DYM: variants seen among roughly 807,000 people sequenced by gnomAD.
DYM encodes dymeclin, also known as dyggve-Melchior-Clausen syndrome protein.
A neutral mutation model predicts 93.1 loss-of-function variants in DYM; 78 were observed. That is an observed-to-expected ratio of 0.84 (90% confidence interval 0.70 to 1.01). DYM has a LOEUF of 1.01. Ranked by LOEUF, DYM falls within the 50% of genes least tolerant of loss-of-function variation. DYM has a pLI of 0.00. For synonymous variants in DYM, 321 were observed against 319.7 expected (o/e 1.00, Z -0.04); for missense variants, 789 against 845.0 (o/e 0.93, Z 0.82).
intron 16 of DYM, 67 bp downstream of exon 16, chr18:49,118,677 C>T (rs1204364207): frequency 1.4e-6 from 2 of 1,417,662 alleles, no homozygotes; most frequent in African/African-American, 2.8e-5. Context: ...CTTACCAAGG[C>T]TTATTAAACA....
chr18:49,084,001 C>CT (rs1334684351), intron 17 of DYM, among the ~76,000 whole-genome samples: 1 of 152,002 alleles, frequency 6.6e-6, no homozygotes, highest in Non-Finnish European at 1.5e-5. Flanking sequence ...GTGCTCTGAT[C>CT]TTTATGATTT....
chr18:49,458,771 A>T (rs2083220589), intron 1 of DYM, among the ~76,000 whole-genome samples: 1 of 152,176 alleles, frequency 6.6e-6, no homozygotes, highest in Non-Finnish European at 1.5e-5. Flanking sequence ...CCCAGGAGGC[A>T]GACGTTGCCG....
intron 6 of DYM, among the ~76,000 whole-genome samples, chr18:49,358,103 T>C (rs1041308725): frequency 1.4e-4 from 21 of 152,252 alleles, no homozygotes; most frequent in Non-Finnish European, 2.1e-4. Context: ...TGAGCCATGA[T>C]TGTGCCACTG....
intron 5 of DYM, among the ~76,000 whole-genome samples, chr18:49,366,746 A>G (rs2066551518): frequency 6.6e-6 from 1 of 152,234 alleles, no homozygotes; most frequent in African/African-American, 2.4e-5. Flanking sequence ...AACAGCAAAC[A>G]TTTACCAAGT....
intron 10 of DYM, among the ~76,000 whole-genome samples, chr18:49,274,222 G>A (rs888268985): frequency 6.6e-6 from 1 of 151,982 alleles, no homozygotes; most frequent in African/African-American, 2.4e-5. Flanking sequence ...TCCCTATTCT[G>A]GACTTCCGTA....
intron 17 of DYM, among the ~76,000 whole-genome samples, chr18:49,053,412 G>A (rs1401999808): frequency 6.6e-6 from 1 of 152,176 alleles, no homozygotes; most frequent in African/African-American, 2.4e-5. Flanking sequence ...GCAAGCACCT[G>A]GCACAGGTCC....
chr18:49,446,079 T>G (rs899702965), intron 1 of DYM, among the ~76,000 whole-genome samples: 1 of 152,166 alleles, frequency 6.6e-6, no homozygotes, highest in Admixed American at 6.5e-5. Context: ...AAATAGCAAT[T>G]TAGGCAGATT....
At chr18:49,377,984 G>A (rs1732378298) in intron 5 of DYM, among the ~76,000 whole-genome samples, 1 of 152,176 alleles carries the variant, frequency 6.6e-6, no homozygotes, top group African/African-American at 2.4e-5. Context: ...AAACTATGGG[G>A]CAACACTGCC....
intron 6 of DYM, among the ~76,000 whole-genome samples, chr18:49,335,877 G>A (rs1211777211): frequency 1.3e-5 from 2 of 151,704 alleles, no homozygotes; most frequent in Non-Finnish European, 2.9e-5. Flanking sequence ...CTAGTGGCGC[G>A]ATCTTGGCTC....
At chr18:49,337,893 G>A (rs1486802208) in intron 6 of DYM, among the ~76,000 whole-genome samples, 1 of 152,002 alleles carries the variant, frequency 6.6e-6, no homozygotes, top group Non-Finnish European at 1.5e-5. Flanking sequence ...CCATACAAAG[G>A]CAGCCACAAA....
At chr18:49,411,215 T>TAA (rs1015997558) in intron 2 of DYM, among the ~76,000 whole-genome samples, 2 of 152,196 alleles carry the variant, frequency 1.3e-5, no homozygotes, top group Non-Finnish European at 2.9e-5. Flanking sequence ...CAAACCCACA[T>TAA]AATATCAACC....
At chr18:49,189,338 AAT>A (rs1316183163) in intron 14 of DYM, among the ~76,000 whole-genome samples, 1 of 152,216 alleles carries the variant, frequency 6.6e-6, no homozygotes, top group Non-Finnish European at 1.5e-5. Context: ...TGGGGAAAAG[AAT>A]ATGAGTTCAA....
chr18:49,210,017 C>G (rs890236628), intron 13 of DYM, among the ~76,000 whole-genome samples: 1 of 152,178 alleles, frequency 6.6e-6, no homozygotes, highest in Admixed American at 6.5e-5. Flanking sequence ...GACACCACCA[C>G]AGACTATTTG....
chr18:49,390,075 C>T (rs1650768278), intron 3 of DYM, among the ~76,000 whole-genome samples: 1 of 152,170 alleles, frequency 6.6e-6, no homozygotes, highest in Admixed American at 6.5e-5. Context: ...TAAGGCAAGA[C>T]AACTACTACA....
In DYM at chr18:49,247,489, A is replaced by C. The variant is rs147812345; in HGVS notation, c.1460+9521T>G. The stretch of plus-strand genomic sequence containing the variant: ...AACAGGAATGGAGGCTTAATAATTC[A>C]TGGCTAAGAGGACAAAGTTGAACCA... On this transcript the variant is annotated intron_variant, in intron 13 of 17. Transcript: ENST00000675505. Among the ~76,000 whole-genome samples, 67 of 152,304 alleles carry C rather than the reference A, an allele frequency of 4.4e-4. No individual in the cohort carries two copies. The East Asian group carries it at 0.013, about 29-fold the overall frequency.
rs562226538 is a variant in DYM at position 49,304,516 on chromosome 18, C to T, written c.764-17900G>A. Among the ~76,000 whole-genome samples the T allele has an allele frequency of 1.3e-3, 201 of 152,280 alleles. 1 individual carries two copies. The highest frequency in any genetic ancestry group is 4.5e-3 in the African/African-American group (186 of 41,546). ...TTGTCAACCTCAGCCTCCTTGAATA[C>T]CCTTGATCTAACAGAAACCTGGGTG... On this transcript the variant is annotated intron_variant, in intron 8 of 17. Transcript: ENST00000675505.
intron 15 of DYM, among the ~76,000 whole-genome samples, chr18:49,150,196 T>A (rs1028954014): frequency 6.6e-6 from 1 of 152,224 alleles, no homozygotes; most frequent in African/African-American, 2.4e-5. Context: ...TTAGTCTAAC[T>A]GGAATTCATT....
At chr18:49,393,091 GGGAAGGAA>G (rs748930950) in intron 2 of DYM, among the ~76,000 whole-genome samples, 1,168 of 36,826 alleles carry the variant, frequency 0.032, 45 homozygotes, top group Middle Eastern at 0.071. Flanking sequence ...AAGGGAGGGA[GGGAAGGAA>G]GGAAGGAAGG....
At chr18:49,335,862 G>A (rs1384670643) in intron 6 of DYM, among the ~76,000 whole-genome samples, 2 of 150,926 alleles carry the variant, frequency 1.3e-5, no homozygotes, top group African/African-American at 4.9e-5. Context: ...CACCTAGGCT[G>A]ACACCTAGTG....
Sources: gnomAD v4.1 joint callset for allele counts (sites outside exome capture counted in the v4.1 genomes callset) on GRCh38, gnomAD v4.1.1 for gene constraint, MANE v1.5 for transcripts, NCBI Gene and HGNC (gene_info 2026-07-23, HGNC 2026-07-21) for gene names.